The following PML variants were observed in gnomAD, a reference collection of about 807,000 sequenced individuals.
The protein encoded by PML is PML nuclear body scaffold, also known as protein PML.
In PML, 28 loss-of-function variants were observed where a neutral mutation model predicts 65.2. That is an observed-to-expected ratio of 0.43 (90% CI 0.32 to 0.59). The LOEUF (loss-of-function observed/expected upper bound fraction) is 0.59. Ranked by LOEUF, PML falls within the 20% of genes least tolerant of loss-of-function variation. The probability of loss-of-function intolerance (pLI) is 0.08; values close to 1 mark genes in which losing one functional copy is unlikely to be tolerated. For missense variants in PML, 1,021 were observed against 1,203.4 expected (o/e 0.85, Z 2.24); for synonymous variants, 500 against 508.8 (o/e 0.98, Z 0.23).
In PML at chr15:74,005,593, C is replaced by CTT. The variant is rs71137371; in HGVS notation, c.602+7127_602+7128dup. Among the ~76,000 whole-genome samples the CTT allele has an allele frequency of 6.6e-4, 98 of 147,994 alleles. 1 individual carries two copies. The highest frequency in any genetic ancestry group is 3.0e-3 in the South Asian group (14 of 4,698). On this transcript the variant is annotated intron_variant, in intron 2 of 8. Transcript: ENST00000268058. The stretch of plus-strand genomic sequence containing the variant: ...TGTGGGTTTTTTTCCCCCCAGCAAT[C>CTT]TTTTTTTTTTTAATTGCCAAAAGAG...
chr15:74,009,254 A>G (rs1449107615), intron 2 of PML, among the ~76,000 whole-genome samples: 1 of 152,218 alleles, frequency 6.6e-6, no homozygotes, highest in Non-Finnish European at 1.5e-5. Flanking sequence ...TTATCATTGA[A>G]TGGAGGAAAC....
chr15:74,023,422 C>T lies in PML; in HGVS notation c.1183+14C>T. The T allele has an allele frequency of 6.3e-7, 1 of 1,590,364 alleles. No homozygotes were observed. Among genetic ancestry groups the T allele is most frequent in the East Asian group, 2.2e-5 (1 of 44,760 alleles). On this transcript the variant is annotated intron_variant, in intron 3 of 8. Transcript: ENST00000268058. ...CCCAGGGGAAAGGTAAGCACGCACG[C>T]CACCTTCCTGGGCGGCCTGTGCCTC...
rs1053564528 is a variant in PML, at chr15:74,031,320, G to A, written c.1255-1252G>A. 33 of 425,844 alleles carry A rather than the reference G, an allele frequency of 7.7e-5. No individual in the cohort carries two copies. In the Admixed American group the frequency reaches 8.3e-4, roughly 11 times the overall value. 26.4% of individuals were successfully genotyped at this position (425,844 alleles called of 1,614,324 possible). The stretch of plus-strand genomic sequence containing the variant: ...GACAGAGTCTCACTCTGTGCCCCAG[G>A]CTGGAGTGCAGTGACACAATCTCGG... On this transcript the variant is annotated intron_variant, in intron 4 of 8. Transcript: ENST00000268058.
chr15:74,033,432 G>A lies in PML; in HGVS notation c.1657+18G>A, dbSNP rs776814371. 1.9e-6 allele frequency: 3 copies of A among 1,611,968 alleles called. No individual in the cohort carries two copies. The highest frequency in any genetic ancestry group is 1.3e-5 in the African/African-American group (1 of 74,954). On this transcript the variant is annotated intron_variant, in intron 6 of 8. Transcript: ENST00000268058. ...GGAGGCAGGTAGGGAGGTGGGTAGG[G>A]CAGTGGCCTGGGTGCTGCCCGCCAG...
At position 74,022,949 on chromosome 15, in the gene PML, G is replaced by T. The variant is rs1297879562; in HGVS notation, c.724G>T (p.Ala242Ser). Residue 242 changes from alanine to serine, a missense_variant, in exon 3 of 9, where the codon GCC becomes TCC. By Grantham distance (99) the Ala-to-Ser change is moderately conservative. Transcript: ENST00000268058. The stretch of plus-strand genomic sequence containing the variant: ...CCAGCAGCGACAGGAGGAGCTGGAC[G>T]CCATGACGCAGGCGCTGCAGGAGCA... Reference protein sequence around the residue: ...EIQQRQEELDAMTQALQEQDS... With the variant: ...EIQQRQEELDSMTQALQEQDS... 2.5e-6 allele frequency: 4 copies of T among 1,611,324 alleles called. No individual in the cohort carries two copies. The South Asian group carries it at 3.3e-5, about 13-fold the overall frequency.
intron 2 of PML, among the ~76,000 whole-genome samples, chr15:73,999,812 T>A (rs1392648276): frequency 6.6e-6 from 1 of 151,956 alleles, no homozygotes; most frequent in Non-Finnish European, 1.5e-5. Context: ...TTCTATCTTT[T>A]GGATTTAAAA....
chr15:74,023,529 G>C, intron 3 of PML, 121 bp downstream of exon 3: 1 of 853,956 alleles, frequency 1.2e-6, no homozygotes, highest in Non-Finnish European at 1.9e-6. Context: ...TCAGTCTTTG[G>C]GGGTTGGTAA....
intron 2 of PML, among the ~76,000 whole-genome samples, chr15:74,012,454 G>A (rs867936084): frequency 1.3e-5 from 2 of 152,046 alleles, no homozygotes; most frequent in Non-Finnish European, 2.9e-5. Flanking sequence ...GATTACAGGC[G>A]TGAGCCACCG....
chr15:74,031,335 C>T, intron 4 of PML: 1 of 415,286 alleles, frequency 2.4e-6, no homozygotes, highest in South Asian at 1.8e-5. Context: ...AGTGCAGTGA[C>T]ACAATCTCGG....
intron 6 of PML, chr15:74,033,978 C>A: frequency 3.0e-6 from 1 of 329,130 alleles, no homozygotes; most frequent in Middle Eastern, 9.5e-4. Flanking sequence ...ACCCAGAGTA[C>A]AGCTTTGTTC....
chr15:74,035,859 C>T lies in PML; in HGVS notation c.1710+1329C>T. On this transcript the variant is annotated intron_variant, in intron 7 of 8. Coordinates refer to ENST00000268058, the MANE Select transcript of PML (RefSeq NM_033238.3). This position sits in a 1 kb window ranked among gnomAD's most constrained non-coding sequence, Gnocchi z 4.1. ...GGAGGCCTCTCAAGTCCAAGTGCCT[C>T]TGGAAGCCTCTCCAATTACATTCCC... The T allele has an allele frequency of 6.2e-7, 1 of 1,613,830 alleles. No homozygotes were observed. Among genetic ancestry groups the T allele is most frequent in the Non-Finnish European group, 8.5e-7 (1 of 1,179,978 alleles).
chr15:74,015,579 C>G (rs545193784), intron 2 of PML, among the ~76,000 whole-genome samples: 1 of 152,336 alleles, frequency 6.6e-6, no homozygotes, highest in East Asian at 1.9e-4. Context: ...GCTCCCCTGG[C>G]CCAACCAACA....
At chr15:74,039,669 C>T (rs1567139996) in intron 7 of PML, among the ~76,000 whole-genome samples, 1 of 152,170 alleles carries the variant, frequency 6.6e-6, no homozygotes, top group Non-Finnish European at 1.5e-5. Flanking sequence ...CTAATCGAAT[C>T]AGTCTTGGGT....
At position 74,019,217 on chromosome 15, in the gene PML, G is replaced by C. The variant is rs368204840; in HGVS notation, c.603-3611G>C. On this transcript the variant is annotated intron_variant, in intron 2 of 8. Transcript: ENST00000268058. ...AAGCTTAGAAAAAGGACCCAGCGGA[G>C]GCTATGGCCATCCAGAACGTCTTGC... Among the ~76,000 whole-genome samples, 9 of 152,194 alleles carry C rather than the reference G, an allele frequency of 5.9e-5. No homozygotes were observed. The East Asian group carries it at 7.7e-4, about 13-fold the overall frequency.
At chr15:73,996,048 G>A (rs1054700563) in intron 1 of PML, among the ~76,000 whole-genome samples, 4 of 152,088 alleles carry the variant, frequency 2.6e-5, no homozygotes, top group South Asian at 2.1e-4. Context: ...CACCATGCCC[G>A]GCCTGTTTTT....
chr15:74,023,494 A>T (rs2070938065), intron 3 of PML, 86 bp downstream of exon 3: 10 of 1,101,622 alleles, frequency 9.1e-6, no homozygotes, highest in Non-Finnish European at 1.3e-5. Context: ...TCTCCATTTG[A>T]CAGAAAAGAA....
At chr15:74,004,787 A>G (rs1168870857) in intron 2 of PML, among the ~76,000 whole-genome samples, 1 of 151,662 alleles carries the variant, frequency 6.6e-6, no homozygotes, top group Non-Finnish European at 1.5e-5. Flanking sequence ...GCTCATTGCA[A>G]CCTTTGCCTC....
chr15:74,044,120 G>A (rs527934425), intron 8 of PML, 101 bp from the exon 9 acceptor site: 2 of 1,130,718 alleles, frequency 1.8e-6, no homozygotes, highest in Non-Finnish European at 1.3e-6. Context: ...CCCAAGGTGA[G>A]GTCTCTAGAT....
chr15:74,020,435 G>A (rs375874903), intron 2 of PML, among the ~76,000 whole-genome samples: 8 of 151,700 alleles, frequency 5.3e-5, no homozygotes, highest in Non-Finnish European at 7.4e-5. Flanking sequence ...GATTACAGGC[G>A]CACACCACCA....
Sources: allele counts gnomAD v4.1 joint callset (sites outside exome capture counted in the v4.1 genomes callset), GRCh38; gene constraint gnomAD v4.1.1; non-coding constraint Gnocchi (gnomAD v3.1); transcripts MANE v1.5; gene names NCBI Gene and HGNC (gene_info 2026-07-23, HGNC 2026-07-21).